The following CAVIN4 variants were observed in gnomAD, a reference collection of about 807,000 sequenced individuals.
CAVIN4 encodes caveolae-associated protein 4.
Under a neutral mutation model 18.6 loss-of-function variants are expected in CAVIN4, and 10 were observed. The observed-to-expected ratio is 0.54, with a 90% CI of 0.33 to 0.91. The LOEUF (loss-of-function observed/expected upper bound fraction) is 0.91, where lower values mean the gene tolerates loss of function less well. Ranked by LOEUF, CAVIN4 falls within the 40% of genes least tolerant of loss-of-function variation. The probability of loss-of-function intolerance (pLI) is 0.02; values close to 1 mark genes in which losing one functional copy is unlikely to be tolerated. For synonymous variants in CAVIN4, 173 were observed against 164.8 expected (o/e 1.05, Z -0.38); for missense variants, 459 against 440.5 (o/e 1.04, Z -0.38).
chr9:100,585,914 G>C lies in CAVIN4; in HGVS notation c.558G>C (p.Arg186Ser). The C allele has an allele frequency of 6.2e-7, 1 of 1,614,160 alleles. No homozygotes were observed. Among genetic ancestry groups the C allele is most frequent in the Non-Finnish European group, 8.5e-7 (1 of 1,180,036 alleles). The stretch of plus-strand genomic sequence containing the variant: ...ATGTTGAAGAAAGCAGATCTGCCAG[G>C]CTTAGGAAGTCAGGCAAGGAGCACA... Reference protein sequence around the residue: ...EYYVEESRSARLRKSGKEHID... With the variant: ...EYYVEESRSASLRKSGKEHID... Residue 186 changes from arginine (R) to serine (S), a missense_variant, in exon 2 of 2, where the codon AGG (arginine) becomes AGC (serine). Transcript: ENST00000307584.
intron 1 of CAVIN4, chr9:100,581,488 C>G (rs955922765): frequency 1.3e-5 from 2 of 152,192 alleles, no homozygotes; most frequent in South Asian, 2.1e-4. Flanking sequence ...TTAAAAGATA[C>G]AATTATATTT....
Position 100,586,415 on chromosome 9 carries a change from T to C in CAVIN4, c.1059T>C (p.Asp353=). Residue 353 remains aspartate, a synonymous_variant, in exon 2 of 2, where the codon GAT becomes GAC. Transcript: ENST00000307584. ...TFKSQVKVED[D]ESLLLDLKHS... ...AATCTCAGGTGAAAGTAGAGGATGA[T>C]GAATCTCTTTTGTTAGATTTAAAGC... The C allele has an allele frequency of 6.2e-7, 1 of 1,614,032 alleles. No individual in the cohort carries two copies. Among genetic ancestry groups the C allele is most frequent in the Non-Finnish European group, 8.5e-7 (1 of 1,180,024 alleles).
At position 100,586,299 on chromosome 9, in the gene CAVIN4, A is replaced by G. The variant is rs771622110; in HGVS notation, c.943A>G (p.Ser315Gly). Residue 315 changes from serine (S) to glycine (G), a missense_variant, in exon 2 of 2, where the codon AGT becomes GGT. Coordinates refer to ENST00000307584, the MANE Select transcript of CAVIN4 (RefSeq NM_001018116.2). ...CAGTGAGCTCTACTCTGATGAGCTC[A>G]GTGAACCAGAACACGAGGCAGCCAG... ...PISELYSDEL[S>G]EPEHEAARPV... is the part of the protein sequence containing the mutation. 1.2e-6 allele frequency: 2 copies of G among 1,613,390 alleles called. No homozygotes were observed. Among genetic ancestry groups the G allele is most frequent in the South Asian group, 2.2e-5 (2 of 90,972 alleles).
At position 100,588,266 on chromosome 9, in the gene CAVIN4, A is replaced by G. The variant is rs1839504670; in HGVS notation, c.*1815A>G. ...CTTTTTATATTGAAAACTAAAGTGTATACAACATTGGATAACACTTTCAAA... is the reference window on the plus strand; with the variant it reads ...CTTTTTATATTGAAAACTAAAGTGTGTACAACATTGGATAACACTTTCAAA... On this transcript the variant is annotated 3_prime_UTR_variant, in exon 2 of 2. Transcript: ENST00000307584. Among the ~76,000 whole-genome samples the G allele has an allele frequency of 6.6e-6, 1 of 152,256 alleles. No individual in the cohort carries two copies. Among genetic ancestry groups the G allele is most frequent in the South Asian group, 2.1e-4 (1 of 4,836 alleles).
At position 100,585,814 on chromosome 9, in the gene CAVIN4, T is replaced by C. The variant is rs370997194; in HGVS notation, c.458T>C (p.Leu153Pro). 3.1e-6 allele frequency: 5 copies of C among 1,614,006 alleles called. No individual in the cohort carries two copies. The Admixed American group carries it at 6.7e-5, about 22-fold the overall frequency. The change falls in exon 2 of 2, where the codon CTA becomes CCA. Residue 153 changes from leucine to proline, a missense_variant. By Grantham distance (98) the Leu-to-Pro change is moderately conservative. Transcript: ENST00000307584. ...CTGTCTGTTGTTAAAGACAGAAACCTAACTGAGAACCAAGAAGAGGATGAT... is the reference window on the plus strand; with the variant it reads ...CTGTCTGTTGTTAAAGACAGAAACCCAACTGAGAACCAAGAAGAGGATGAT... ...TSLSVVKDRN[L>P]TENQEEDDDD...
chr9:100,587,250 G>C lies in CAVIN4; in HGVS notation c.*799G>C, dbSNP rs914834699. On this transcript the variant is annotated 3_prime_UTR_variant, in exon 2 of 2. Coordinates refer to ENST00000307584, the MANE Select transcript of CAVIN4 (RefSeq NM_001018116.2). Reference sequence around the variant, plus strand: ...TGTTTGGGTGACCACTTTTTCATCAGACTAACTATATCTTGGGTTTTAGTT... The same window carrying C: ...TGTTTGGGTGACCACTTTTTCATCACACTAACTATATCTTGGGTTTTAGTT... The C allele has an allele frequency of 2.0e-5, 3 of 152,186 alleles. No homozygotes were observed. The highest frequency in any genetic ancestry group is 4.4e-5 in the Non-Finnish European group (3 of 68,038). 9.4% of individuals were successfully genotyped at this position (152,186 alleles called of 1,614,324 possible).
At chr9:100,580,169 T>C (rs1236610153) in intron 1 of CAVIN4, among the ~76,000 whole-genome samples, 20 of 151,466 alleles carry the variant, frequency 1.3e-4, no homozygotes, top group Non-Finnish European at 2.8e-4. Flanking sequence ...TGTCGTCGCG[T>C]GCCTGTGTTC....
intron 1 of CAVIN4, among the ~76,000 whole-genome samples, chr9:100,585,481 A>G (rs1183743078): frequency 6.6e-6 from 1 of 152,032 alleles, no homozygotes; most frequent in African/African-American, 2.4e-5. Flanking sequence ...TCATTCACAC[A>G]TGTGTCTTCA....
chr9:100,579,456 C>T (rs1839406137), intron 1 of CAVIN4, among the ~76,000 whole-genome samples: 1 of 152,096 alleles, frequency 6.6e-6, no homozygotes, highest in Admixed American at 6.5e-5. Flanking sequence ...TAAATGTTGG[C>T]AGTTATTAAA....
chr9:100,584,067 A>G lies in CAVIN4; in HGVS notation c.409-1698A>G, dbSNP rs544721422. On this transcript the variant is annotated intron_variant, in intron 1 of 1. Coordinates refer to ENST00000307584, the MANE Select transcript of CAVIN4 (RefSeq NM_001018116.2). ...TCTTGCCTCCCCTTCTTGCCCTTTC[A>G]TCACTCTGCTGTCACCACACGGCCC... Among the ~76,000 whole-genome samples the G allele has an allele frequency of 5.3e-4, 80 of 152,094 alleles. No homozygotes were observed. The South Asian group carries it at 0.016, about 31-fold the overall frequency.
intron 1 of CAVIN4, among the ~76,000 whole-genome samples, 155 bp from the exon 2 acceptor site, chr9:100,585,610 G>A (rs1175425129): frequency 6.6e-6 from 1 of 152,142 alleles, no homozygotes; most frequent in Non-Finnish European, 1.5e-5. Flanking sequence ...AGAGGAAAGG[G>A]CCAAGGTAAG....
rs1222120512 is a variant in CAVIN4, at chr9:100,587,386, CTA to C, written c.*937_*938del. ...AGCAGTATGAGGCATAAAATTGTGACTATGTTTCTAAAGTCGGCCCTGATGCA... is the reference window on the plus strand; with the variant it reads ...AGCAGTATGAGGCATAAAATTGTGACTGTTTCTAAAGTCGGCCCTGATGCA... On this transcript the variant is annotated 3_prime_UTR_variant, in exon 2 of 2. Coordinates refer to ENST00000307584, the MANE Select transcript of CAVIN4 (RefSeq NM_001018116.2). 3 of 152,164 alleles carry C rather than the reference CTA, an allele frequency of 2.0e-5. No homozygotes were observed. The highest frequency in any genetic ancestry group is 2.9e-5 in the Non-Finnish European group (2 of 68,040). 9.4% of individuals were successfully genotyped at this position (152,164 alleles called of 1,614,324 possible).
At position 100,587,474 on chromosome 9, in the gene CAVIN4, C is replaced by T. The variant is rs1383071780; in HGVS notation, c.*1023C>T. The T allele has an allele frequency of 6.6e-6, 1 of 152,186 alleles. No homozygotes were observed. The highest frequency in any genetic ancestry group is 1.5e-5 in the Non-Finnish European group (1 of 68,038). 9.4% of individuals were successfully genotyped at this position (152,186 alleles called of 1,614,324 possible). On this transcript the variant is annotated 3_prime_UTR_variant, in exon 2 of 2. Coordinates refer to ENST00000307584, the MANE Select transcript of CAVIN4 (RefSeq NM_001018116.2). ...CCTGAGTGTACCCTTCAGGGTCCAG[C>T]TGTCCAAAACAGTGTTGATAGGAGT...
intron 1 of CAVIN4, 49 bp from the exon 2 acceptor site, chr9:100,585,716 C>G (rs868118869): frequency 1.0e-5 from 15 of 1,431,926 alleles, no homozygotes; most frequent in Non-Finnish European, 1.4e-5. Context: ...AAGAGCTGCT[C>G]TATAGTGCAA....
intron 1 of CAVIN4, among the ~76,000 whole-genome samples, chr9:100,584,590 A>C (rs1780020): frequency 6.6e-6 from 1 of 152,092 alleles, no homozygotes; most frequent in Non-Finnish European, 1.5e-5. Context: ...ACTGTGCTAA[A>C]TGTTATAAAC....
At chr9:100,584,543 T>A (rs1255226546) in intron 1 of CAVIN4, among the ~76,000 whole-genome samples, 1 of 152,250 alleles carries the variant, frequency 6.6e-6, no homozygotes, top group Non-Finnish European at 1.5e-5. Context: ...AGAAGACCTC[T>A]GGGAGATACA....
chr9:100,578,739 C>T (rs570902986), intron 1 of CAVIN4, among the ~76,000 whole-genome samples, 188 bp downstream of exon 1: 4 of 152,244 alleles, frequency 2.6e-5, no homozygotes, highest in Admixed American at 2.0e-4. Flanking sequence ...TCTGTCATTT[C>T]GGTATTTTGA....
chr9:100,580,886 G>T (rs1359848428), intron 1 of CAVIN4, among the ~76,000 whole-genome samples: 1 of 152,190 alleles, frequency 6.6e-6, no homozygotes, highest in African/African-American at 2.4e-5. Flanking sequence ...TTAGATGTTA[G>T]AAAGCTGTAT....
Position 100,582,517 on chromosome 9 carries a change from T to C in CAVIN4, c.409-3248T>C, listed in dbSNP as rs116116847. ...CGCATCACCTTGCCTGGCTACACTT[T>C]AAAATTTTCGTGGAGGTCTCACTTT... On this transcript the variant is annotated intron_variant, in intron 1 of 1. Coordinates refer to ENST00000307584, the MANE Select transcript of CAVIN4 (RefSeq NM_001018116.2). 4.8e-3 allele frequency among the ~76,000 whole-genome samples: 728 copies of C among 152,234 alleles called. 4 individuals carry two copies. Among genetic ancestry groups the C allele is most frequent in the African/African-American group, 0.017 (703 of 41,532 alleles).
Sources: gnomAD v4.1 joint callset for allele counts (sites outside exome capture counted in the v4.1 genomes callset) on GRCh38, gnomAD v4.1.1 for gene constraint, MANE v1.5 for transcripts, NCBI Gene and HGNC (gene_info 2026-07-23, HGNC 2026-07-21) for gene names.